Variants in PHACTR1 observed in about 807,000 individuals in gnomAD.
The protein encoded by PHACTR1 is RPEL repeat containing 1.
In PHACTR1, 16 loss-of-function variants were observed where a neutral mutation model predicts 69.2. The observed-to-expected ratio is 0.23, with a 90% CI of 0.16 to 0.35. The LOEUF is 0.35. Among genes scored for constraint, PHACTR1 ranks in the 10% least tolerant of loss-of-function variants. The pLI, the probability that PHACTR1 is intolerant of heterozygous loss-of-function variation, is 1.00. For synonymous variants in PHACTR1, 312 were observed against 284.5 expected, an observed-to-expected ratio of 1.10 and a Z score of -0.97; for missense variants, 510 against 734.7, an observed-to-expected ratio of 0.69 and a Z score of 3.54.
intron 10 of PHACTR1, among the ~76,000 whole-genome samples, chr6:13,241,693 G>A (rs1424901959): frequency 1.3e-5 from 2 of 152,086 alleles, no homozygotes; most frequent in Non-Finnish European, 2.9e-5. Flanking sequence ...CTCTCCTGGT[G>A]AGTCTGAATA....
chr6:13,014,791 CCCGCAGT>C (rs1799924585), intron 4 of PHACTR1, among the ~76,000 whole-genome samples: 1 of 152,230 alleles, frequency 6.6e-6, no homozygotes, highest in Admixed American at 6.5e-5. Context: ...AGCCAGAGCT[CCCGCAGT>C]CTAATCTGAA....
chr6:13,034,229 G>C (rs1345946419), intron 4 of PHACTR1, among the ~76,000 whole-genome samples: 1 of 152,016 alleles, frequency 6.6e-6, no homozygotes, highest in African/African-American at 2.4e-5. Context: ...GTGTTAGCCA[G>C]GATGATCTCG....
In PHACTR1 at chr6:12,812,016, G is replaced by A. The variant is rs181418965; in HGVS notation, c.250+62226G>A. The stretch of plus-strand genomic sequence containing the variant: ...TTTTTATGAGGCAAATGCACATAAC[G>A]TAAAATTAACCATTTTAAACTGTGC... On this transcript the variant is annotated intron_variant, in intron 4 of 14. Transcript: ENST00000332995. Among the ~76,000 whole-genome samples the A allele has an allele frequency of 3.0e-3, 455 of 151,826 alleles. 1 individual carries two copies. The highest frequency in any genetic ancestry group is 5.2e-3 in the Non-Finnish European group (354 of 67,974).
At chr6:12,837,842 G>A (rs888759263) in intron 4 of PHACTR1, among the ~76,000 whole-genome samples, 6 of 152,240 alleles carry the variant, frequency 3.9e-5, no homozygotes, top group Non-Finnish European at 7.3e-5. Flanking sequence ...CAGCAATGTG[G>A]CCTCAAACTT....
At chr6:12,731,499 A>G (rs930046425) in intron 3 of PHACTR1, among the ~76,000 whole-genome samples, 3 of 152,230 alleles carry the variant, frequency 2.0e-5, no homozygotes, top group East Asian at 1.9e-4. Flanking sequence ...ATATTTTTAC[A>G]TTAGCCTTAT....
intron 5 of PHACTR1, among the ~76,000 whole-genome samples, chr6:13,086,369 T>C (rs557271160): frequency 5.1e-4 from 77 of 152,260 alleles, no homozygotes; most frequent in South Asian, 4.6e-3. Context: ...TCAGCAAAAT[T>C]AACCCGTTTT....
rs568434112 is a variant in PHACTR1, at chr6:12,953,301, C to T, written c.251-100064C>T. ...TCGCGGCACTGCACTCCAGCCTGGG[C>T]AACAGAGCCAGACTCCATCTCAAAA... On this transcript the variant is annotated intron_variant, in intron 4 of 14. Coordinates refer to ENST00000332995, the MANE Select transcript of PHACTR1 (RefSeq NM_030948.6). Among the ~76,000 whole-genome samples, 6 of 152,238 alleles carry T rather than the reference C, an allele frequency of 3.9e-5. No homozygotes were observed. In the South Asian group the frequency reaches 1.2e-3, roughly 32 times the overall value.
chr6:13,161,352 C>T (rs1471540040), intron 6 of PHACTR1, among the ~76,000 whole-genome samples: 1 of 152,102 alleles, frequency 6.6e-6, no homozygotes, highest in Non-Finnish European at 1.5e-5. Flanking sequence ...CCTCCTCCCT[C>T]CTCTCCCTCT....
chr6:12,992,055 A>G (rs1796883986), intron 4 of PHACTR1, among the ~76,000 whole-genome samples: 1 of 152,038 alleles, frequency 6.6e-6, no homozygotes, highest in Non-Finnish European at 1.5e-5. Flanking sequence ...ACCACGTCCC[A>G]AAGTTAAACC....
intron 4 of PHACTR1, among the ~76,000 whole-genome samples, chr6:12,771,603 T>C (rs903531712): frequency 1.3e-5 from 2 of 152,184 alleles, no homozygotes; most frequent in African/African-American, 4.8e-5. Context: ...GATGCTCCAG[T>C]AGGACCAGCT....
chr6:13,214,028 T>G (rs989271411), intron 8 of PHACTR1: 1 of 152,200 alleles, frequency 6.6e-6, no homozygotes, highest in African/African-American at 2.4e-5. Flanking sequence ...TGTTACAAAC[T>G]GTCTCAATTA....
chr6:12,813,136 GA>G (rs370537060), intron 4 of PHACTR1, among the ~76,000 whole-genome samples: 20 of 152,118 alleles, frequency 1.3e-4, no homozygotes, highest in African/African-American at 7.2e-5. Context: ...CACAGAGAGA[GA>G]AAAAAACAGA....
At chr6:13,202,257 G>A (rs1187164303) in intron 7 of PHACTR1, among the ~76,000 whole-genome samples, 1 of 152,198 alleles carries the variant, frequency 6.6e-6, no homozygotes, top group Non-Finnish European at 1.5e-5. Context: ...AATGTTACGA[G>A]AAGCTATTGA....
chr6:12,901,983 G>A (rs1171910402), intron 4 of PHACTR1, among the ~76,000 whole-genome samples: 1 of 152,136 alleles, frequency 6.6e-6, no homozygotes, highest in Non-Finnish European at 1.5e-5. Context: ...GACGTTTTTG[G>A]TTGTCATAAC....
In PHACTR1 at chr6:12,766,224, C is replaced by T. The variant is rs370176287; in HGVS notation, c.250+16434C>T. Among the ~76,000 whole-genome samples, 4 of 152,290 alleles carry T rather than the reference C, an allele frequency of 2.6e-5. No homozygotes were observed. The East Asian group carries it at 7.7e-4, about 29-fold the overall frequency. On this transcript the variant is annotated intron_variant, in intron 4 of 14. Coordinates refer to ENST00000332995, the MANE Select transcript of PHACTR1 (RefSeq NM_030948.6). ...CAACTCCATGTCCTGAGAATATAAA[C>T]TTGGATTAAACGGAATTTTTCTTTC...
chr6:12,858,657 A>T (rs532037106), intron 4 of PHACTR1, among the ~76,000 whole-genome samples: 1 of 152,184 alleles, frequency 6.6e-6, no homozygotes, highest in South Asian at 2.1e-4. Context: ...ATTGCAGGAC[A>T]TGGTGGTGTG....
At chr6:12,903,266 G>A (rs2127485140) in intron 4 of PHACTR1, among the ~76,000 whole-genome samples, 1 of 152,238 alleles carries the variant, frequency 6.6e-6, no homozygotes, top group South Asian at 2.1e-4. Context: ...ACAGTATAAG[G>A]CACAAAGCAA....
intron 8 of PHACTR1, 112 bp from the exon 9 acceptor site, chr6:13,227,704 G>A: frequency 1.4e-6 from 2 of 1,388,296 alleles, no homozygotes; most frequent in African/African-American, 1.4e-5. Context: ...TACTTGCCCA[G>A]TAGACCCTTT....
chr6:12,821,478 A>G (rs932913888), intron 4 of PHACTR1, among the ~76,000 whole-genome samples: 20 of 92,238 alleles, frequency 2.2e-4, no homozygotes, highest in Non-Finnish European at 3.6e-4. Context: ...AAAAAAAAAA[A>G]AAAAAAGAGA....
Sources: allele counts gnomAD v4.1 joint callset (sites outside exome capture counted in the v4.1 genomes callset), GRCh38; gene constraint gnomAD v4.1.1; transcripts MANE v1.5; gene names NCBI Gene and HGNC (gene_info 2026-07-23, HGNC 2026-07-21).